OGG1: variants seen among roughly 807,000 people sequenced by gnomAD.
OGG1 encodes N-glycosylase/DNA lyase.
A neutral mutation model predicts 42.3 loss-of-function variants in OGG1; 35 were observed. The observed-to-expected ratio is 0.83, with a 90% CI of 0.63 to 1.10. The LOEUF (loss-of-function observed/expected upper bound fraction) is 1.10. Among genes scored for constraint, OGG1 ranks in the 50% least tolerant of loss-of-function variants. The probability of loss-of-function intolerance (pLI) is 0.00; values close to 1 mark genes in which losing one functional copy is unlikely to be tolerated. For synonymous variants in OGG1, 189 were observed against 179.0 expected, an observed-to-expected ratio of 1.06 and a Z score of -0.44; for missense variants, 484 against 446.7, an observed-to-expected ratio of 1.08 and a Z score of -0.75.
intron 2 of OGG1, among the ~76,000 whole-genome samples, chr3:9,777,736 A>G (rs2078383024): frequency 6.6e-6 from 1 of 151,884 alleles, no homozygotes; most frequent in African/African-American, 2.4e-5. Flanking sequence ...ATTCCATCCA[A>G]TTTTGGGATG....
chr3:9,786,339 T>C (rs1246634052), intron 3 of OGG1, among the ~76,000 whole-genome samples: 1 of 152,152 alleles, frequency 6.6e-6, no homozygotes, highest in Non-Finnish European at 1.5e-5. Context: ...TCTGATGATA[T>C]GAGATAGAGA....
chr3:9,751,030 T>C lies in OGG1; in HGVS notation c.223T>C (p.Cys75Arg). The change falls in exon 2 of 7, where the codon TGC (cysteine) becomes CGC (arginine). Residue 75 changes from cysteine (C) to arginine (R), a missense_variant. By Grantham distance (180) the Cys-to-Arg change is radical. Transcript: ENST00000344629. ...GACTCAGACTGAGGAGCAGCTCCACTGCACTGTGTACCGAGGAGACAAGAG... is the reference window on the plus strand; with the variant it reads ...GACTCAGACTGAGGAGCAGCTCCACCGCACTGTGTACCGAGGAGACAAGAG... ...TLTQTEEQLHCTVYRGDKSQA... is the reference protein window; with the variant it reads ...TLTQTEEQLHRTVYRGDKSQA... 1 of 1,613,902 alleles carries C rather than the reference T, an allele frequency of 6.2e-7. No homozygotes were observed. The highest frequency in any genetic ancestry group is 2.2e-5 in the East Asian group (1 of 44,884).
At position 9,750,229 on chromosome 3, in the gene OGG1, T is replaced by C; in HGVS notation, c.-58T>C. 1 of 1,568,098 alleles carries C rather than the reference T, an allele frequency of 6.4e-7. No individual in the cohort carries two copies. The highest frequency in any genetic ancestry group is 8.6e-7 in the Non-Finnish European group (1 of 1,158,668). ...CTTGTCTGGGCGGGGTCTTTGGGCG[T>C]CGACGAGGCCTGGTTCTGGGTAGGC... On this transcript the variant is annotated 5_prime_UTR_variant, in exon 1 of 7. Transcript: ENST00000344629.
At chr3:9,770,500 T>C (rs1474177820), downstream of OGG1, among the ~76,000 whole-genome samples, 1 of 152,102 alleles carries the variant, frequency 6.6e-6, no homozygotes, top group Non-Finnish European at 1.5e-5. Context: ...AGGCCCCGGT[T>C]CCTCTGCAAG....
chr3:9,754,284 G>A (rs1258835915), intron 3 of OGG1, among the ~76,000 whole-genome samples: 1 of 152,230 alleles, frequency 6.6e-6, no homozygotes, highest in African/African-American at 2.4e-5. Flanking sequence ...ACTGTCAGTG[G>A]GGTTCTTGGG....
At chr3:9,784,629 C>A (rs2078561825) in intron 3 of OGG1, among the ~76,000 whole-genome samples, 1 of 151,956 alleles carries the variant, frequency 6.6e-6, no homozygotes, top group African/African-American at 2.4e-5. Flanking sequence ...CTTTGGAAGG[C>A]CGAGGTGGGA....
chr3:9,785,286 A>G (rs1325909110), intron 3 of OGG1: 1 of 1,555,730 alleles, frequency 6.4e-7, no homozygotes, highest in Non-Finnish European at 8.9e-7. Flanking sequence ...CGGGGGCCAG[A>G]CTGTGGGTTG....
At chr3:9,753,351 CA>C (rs56205013) in intron 3 of OGG1, among the ~76,000 whole-genome samples, 5,193 of 73,042 alleles carry the variant, frequency 0.071, 104 homozygotes, top group South Asian at 0.13. Context: ...GACTCCGTCT[CA>C]AAAAAAAAAA....
In OGG1 at chr3:9,750,282, T is replaced by C. The variant is rs774902395; in HGVS notation, c.-5T>C. 5.6e-6 allele frequency: 9 copies of C among 1,609,074 alleles called. No homozygotes were observed. Among genetic ancestry groups the C allele is most frequent in the African/African-American group, 2.7e-5 (2 of 74,870 alleles). Reference sequence around the variant, plus strand: ...GGCTACTACGGGGCGGTGCCTGCTGTGGAAATGCCTGCCCGCGCGCTTCTG... The same window carrying C: ...GGCTACTACGGGGCGGTGCCTGCTGCGGAAATGCCTGCCCGCGCGCTTCTG... On this transcript the variant is annotated 5_prime_UTR_variant, in exon 1 of 7. Transcript: ENST00000344629.
chr3:9,789,349 C>G (rs775786411), downstream of OGG1, among the ~76,000 whole-genome samples: 29 of 152,100 alleles, frequency 1.9e-4, no homozygotes, highest in Non-Finnish European at 3.5e-4. Flanking sequence ...ACGGAGAAAG[C>G]TGAGTTTGGG....
At chr3:9,780,488 C>T (rs760342366) in intron 2 of OGG1, 6 of 1,610,254 alleles carry the variant, frequency 3.7e-6, no homozygotes, top group South Asian at 1.1e-5. Flanking sequence ...TCCATGACCT[C>T]GTTGTCAGCC....
Position 9,757,266 on chromosome 3 carries a change from AAGG to A in OGG1, c.*117_*119del. The A allele has an allele frequency of 6.2e-7, 1 of 1,614,158 alleles. No individual in the cohort carries two copies. Among genetic ancestry groups the A allele is most frequent in the Non-Finnish European group, 8.5e-7 (1 of 1,180,028 alleles). ...GAGGGGCCTCCCTGTGACTACCTCA[AAGG>A]CCAGGCACCCCCAAATCAAGCAGTC... On this transcript the variant is annotated 3_prime_UTR_variant, in exon 7 of 7. Coordinates refer to ENST00000344629, the MANE Select transcript of OGG1 (RefSeq NM_002542.6). This position sits in a 1 kb window ranked among gnomAD's most constrained non-coding sequence, Gnocchi z 4.5.
At chr3:9,757,866 A>C (rs749968186), downstream of OGG1, 240 of 1,592,592 alleles carry the variant, frequency 1.5e-4, no homozygotes, top group Middle Eastern at 1.5e-3. The surrounding 1 kb of genome is among the most constrained non-coding windows in gnomAD (Gnocchi z 4.5). Context: ...AAGGCATTGA[A>C]GGGAGAGGGG....
downstream of OGG1, chr3:9,759,369 G>A: frequency 6.5e-7 from 1 of 1,544,170 alleles, no homozygotes; most frequent in African/African-American, 1.4e-5. Context: ...CTTCAGTAAG[G>A]ATCCCTAAGC....
At chr3:9,760,199 T>C, downstream of OGG1, 1 of 189,962 alleles carries the variant, frequency 5.3e-6, no homozygotes, top group Non-Finnish European at 1.1e-5. Context: ...GCCGAGATTG[T>C]GCCACTGCAC....
chr3:9,759,110 G>T, downstream of OGG1: 1 of 1,221,116 alleles, frequency 8.2e-7, no homozygotes, highest in Non-Finnish European at 1.2e-6. Flanking sequence ...AGTCTGGCCA[G>T]GCTTAGCACT....
exon 8 of OGG1, chr3:9,766,041 A>G (rs2125594109): frequency 6.2e-7 from 1 of 1,605,316 alleles, no homozygotes; most frequent in Non-Finnish European, 8.5e-7. Flanking sequence ...GGCTCCAGAG[A>G]TGGTCACATG....
chr3:9,785,179 C>A, intron 3 of OGG1: 1 of 619,480 alleles, frequency 1.6e-6, no homozygotes, highest in Non-Finnish European at 2.9e-6. Flanking sequence ...TGGGTCATCA[C>A]TCACACTTGA....
At chr3:9,787,121 C>T (rs376039356) in intron 3 of OGG1, 3 of 1,614,154 alleles carry the variant, frequency 1.9e-6, no homozygotes, top group African/African-American at 1.3e-5. Context: ...TAAGCGGGCA[C>T]AGGAAAGGAG....
Sources: allele counts gnomAD v4.1 joint callset (sites outside exome capture counted in the v4.1 genomes callset), GRCh38; gene constraint gnomAD v4.1.1; non-coding constraint Gnocchi (gnomAD v3.1); transcripts MANE v1.5; gene names NCBI Gene and HGNC (gene_info 2026-07-23, HGNC 2026-07-21).